Variants in VMP1 observed in about 807,000 individuals in gnomAD.
VMP1 encodes vacuole membrane protein 1.
In VMP1, 11 loss-of-function variants were observed where a neutral mutation model predicts 56.0. The ratio of observed to expected loss-of-function variants is 0.20; its 90% CI spans 0.12 to 0.32. VMP1 has a LOEUF of 0.32. Ranked by LOEUF, VMP1 falls within the 10% of genes least tolerant of loss-of-function variation. VMP1 has a pLI of 1.00. For synonymous variants in VMP1, 149 were observed against 165.0 expected (o/e 0.90, Z 0.74); for missense variants, 296 against 490.3 (o/e 0.60, Z 3.74).
chr17:59,749,950 A>G (rs564083790), intron 5 of VMP1, among the ~76,000 whole-genome samples: 2 of 152,182 alleles, frequency 1.3e-5, no homozygotes, highest in Non-Finnish European at 1.5e-5. Context: ...TTGTATTCCA[A>G]CTGTCTAGAA....
intron 7 of VMP1, among the ~76,000 whole-genome samples, chr17:59,777,812 T>TCAAAA (rs199590116): frequency 0.13 from 19,583 of 148,452 alleles, 1,499 homozygotes; most frequent in East Asian, 0.32. Flanking sequence ...AGACTCCGTC[T>TCAAAA]CAAAACAAAA....
chr17:59,787,874 G>A (rs545935542), intron 7 of VMP1, among the ~76,000 whole-genome samples: 127 of 151,464 alleles, frequency 8.4e-4, no homozygotes, highest in African/African-American at 2.9e-3. Flanking sequence ...TTTTAAACTC[G>A]ACCTCCTAAA....
intron 7 of VMP1, among the ~76,000 whole-genome samples, chr17:59,794,849 T>A (rs538057728): frequency 6.6e-6 from 1 of 152,000 alleles, no homozygotes; most frequent in East Asian, 1.9e-4. Flanking sequence ...TTAGTAATCA[T>A]AGTGAAATAA....
chr17:59,721,495 A>G (rs2034394292), intron 1 of VMP1, among the ~76,000 whole-genome samples: 1 of 152,208 alleles, frequency 6.6e-6, no homozygotes, highest in Admixed American at 6.5e-5. Flanking sequence ...GAAGATGATA[A>G]TAAGTAAGAT....
At chr17:59,724,578 A>G (rs1370354468) in intron 1 of VMP1, among the ~76,000 whole-genome samples, 2 of 152,198 alleles carry the variant, frequency 1.3e-5, no homozygotes, top group African/African-American at 2.4e-5. Flanking sequence ...AGGCTGAGAC[A>G]GGAGGATTGT....
At position 59,731,501 on chromosome 17, in the gene VMP1, C is replaced by T; in HGVS notation, c.55C>T (p.His19Tyr). The change falls in exon 2 of 12, where the codon CAT (histidine) becomes TAT (tyrosine). Residue 19 changes from histidine (H) to tyrosine (Y), a missense_variant. Physicochemically the swap from His to Tyr is moderately conservative, Grantham distance 83 (BLOSUM62 2). Coordinates refer to ENST00000262291, the MANE Select transcript of VMP1 (RefSeq NM_030938.5). ...DQRRVAMNKE[H>Y]HNGNFTDPSS... ...GAGACGTGTAGCAATGAACAAGGAACATCATAATGGAAATTTCACAGGTAA... is the reference window on the plus strand; with the variant it reads ...GAGACGTGTAGCAATGAACAAGGAATATCATAATGGAAATTTCACAGGTAA... 6.3e-7 allele frequency: 1 copy of T among 1,587,266 alleles called. No homozygotes were observed. The highest frequency in any genetic ancestry group is 8.5e-7 in the Non-Finnish European group (1 of 1,170,254).
intron 5 of VMP1, among the ~76,000 whole-genome samples, chr17:59,762,153 T>C (rs901307038): frequency 1.3e-5 from 2 of 152,220 alleles, no homozygotes; most frequent in African/African-American, 4.8e-5. Flanking sequence ...GAAATGAAAG[T>C]CTAGTATCCG....
At chr17:59,721,568 C>G (rs1402059704) in intron 1 of VMP1, among the ~76,000 whole-genome samples, 1 of 151,814 alleles carries the variant, frequency 6.6e-6, no homozygotes, top group African/African-American at 2.4e-5. Context: ...ACAGTAAATA[C>G]ATCAGGTTTT....
At chr17:59,716,327 A>G (rs2034150771) in intron 1 of VMP1, among the ~76,000 whole-genome samples, 1 of 152,236 alleles carries the variant, frequency 6.6e-6, no homozygotes, top group African/African-American at 2.4e-5. Context: ...AGATAGTTTC[A>G]TAGATACTAC....
intron 8 of VMP1, 122 bp from the exon 9 acceptor site, chr17:59,811,526 TGAACAATCCAGTAGTGATCAAG>T (rs940479842): frequency 1.6e-6 from 1 of 643,148 alleles, no homozygotes; most frequent in African/African-American, 1.8e-5. Flanking sequence ...AACCTCCTTT[TGAACAATCCAGTAGTGATCAAG>T]GAACCCATAT....
intron 11 of VMP1, 139 bp from the exon 12 acceptor site, chr17:59,839,627 AGT>A: frequency 1.0e-6 from 1 of 979,570 alleles, no homozygotes; most frequent in South Asian, 1.7e-5. Context: ...GAGATTTCAG[AGT>A]AGTTGGGGTT....
At chr17:59,809,299 T>C (rs1472201664) in intron 8 of VMP1, among the ~76,000 whole-genome samples, 1 of 122,930 alleles carries the variant, frequency 8.1e-6, no homozygotes, top group Admixed American at 9.3e-5. Context: ...ACCTGGCCCA[T>C]TCAACTTTTT....
chr17:59,742,016 T>C (rs2035245280), intron 5 of VMP1, among the ~76,000 whole-genome samples: 1 of 152,220 alleles, frequency 6.6e-6, no homozygotes, highest in Non-Finnish European at 1.5e-5. Context: ...AGAAAACAGT[T>C]ATTTGTTCAC....
At chr17:59,777,276 T>C (rs1303859267) in intron 7 of VMP1, among the ~76,000 whole-genome samples, 1 of 152,228 alleles carries the variant, frequency 6.6e-6, no homozygotes, top group African/African-American at 2.4e-5. Context: ...GAAAATGTGA[T>C]ACCATACATT....
At chr17:59,758,565 C>G (rs1027688638) in intron 5 of VMP1, among the ~76,000 whole-genome samples, 45 of 151,920 alleles carry the variant, frequency 3.0e-4, no homozygotes, top group African/African-American at 1.0e-3. Context: ...TGGCTCACAC[C>G]AGTAATCCCA....
At chr17:59,721,041 C>T (rs1298448234) in intron 1 of VMP1, among the ~76,000 whole-genome samples, 1 of 146,904 alleles carries the variant, frequency 6.8e-6, no homozygotes, top group African/African-American at 2.5e-5. Flanking sequence ...AAAACAAAAA[C>T]ATGATATAAA....
At chr17:59,739,620 A>T (rs974544583) in intron 5 of VMP1, among the ~76,000 whole-genome samples, 1 of 148,198 alleles carries the variant, frequency 6.7e-6, no homozygotes, top group Non-Finnish European at 1.5e-5. Flanking sequence ...CATACTCAGG[A>T]TGCTGAGGCA....
chr17:59,838,047 T>G, intron 10 of VMP1: 4 of 298,046 alleles, frequency 1.3e-5, no homozygotes, highest in Non-Finnish European at 2.5e-5. Flanking sequence ...CTCCCAGACA[T>G]GTTGGTGGGA....
rs977486640 is a variant in VMP1, at chr17:59,800,577, AAGCATTATT to A, written c.715-8215_715-8207del. Among the ~76,000 whole-genome samples, 33 of 152,334 alleles carry A rather than the reference AAGCATTATT, an allele frequency of 2.2e-4. No homozygotes were observed. In the East Asian group the frequency reaches 6.4e-3, roughly 29 times the overall value. The stretch of plus-strand genomic sequence containing the variant: ...TCACTTCAGCTCCAAATCCAAAAGA[AAGCATTATT>A]AGCTCAGTAGTTTTAATATATACAG... On this transcript the variant is annotated intron_variant, in intron 7 of 11. Coordinates refer to ENST00000262291, the MANE Select transcript of VMP1 (RefSeq NM_030938.5).
Sources: gnomAD v4.1 joint callset for allele counts (sites outside exome capture counted in the v4.1 genomes callset) on GRCh38, gnomAD v4.1.1 for gene constraint, MANE v1.5 for transcripts, NCBI Gene and HGNC (gene_info 2026-07-23, HGNC 2026-07-21) for gene names.